The following ASCC2 variants were observed in gnomAD, a reference collection of about 807,000 sequenced individuals.
ASCC2 encodes ASC-1 complex subunit P100.
A neutral mutation model predicts 93.5 loss-of-function variants in ASCC2; 42 were observed. That is an observed-to-expected ratio of 0.45 (90% CI 0.35 to 0.58). ASCC2 has a LOEUF of 0.58. ASCC2 is among the 20% of genes least tolerant of loss of function. The pLI, the probability that ASCC2 is intolerant of heterozygous loss-of-function variation, is 0.00. For missense variants in ASCC2, 859 were observed against 977.6 expected, an observed-to-expected ratio of 0.88 and a Z score of 1.62; for synonymous variants, 364 against 384.2, an observed-to-expected ratio of 0.95 and a Z score of 0.62.
intron 17 of ASCC2, 117 bp from the exon 18 acceptor site, chr22:29,792,652 G>T: frequency 7.1e-7 from 1 of 1,402,504 alleles, no homozygotes; most frequent in Non-Finnish European, 9.7e-7. Flanking sequence ...AGGAGGTTGG[G>T]AAAAACCAAA....
chr22:29,811,184 A>C (rs1383683398), intron 8 of ASCC2, among the ~76,000 whole-genome samples: 1 of 152,256 alleles, frequency 6.6e-6, no homozygotes, highest in African/African-American at 2.4e-5. Context: ...CTGTTAAGTA[A>C]AAAAGTAAAA....
chr22:29,823,496 C>T (rs1214234165), intron 4 of ASCC2, among the ~76,000 whole-genome samples: 4 of 152,132 alleles, frequency 2.6e-5, no homozygotes, highest in Non-Finnish European at 2.9e-5. Context: ...ATGAGATTGG[C>T]GGAATGTTGA....
At chr22:29,836,686 G>C (rs562701583) in intron 1 of ASCC2, among the ~76,000 whole-genome samples, 1 of 151,950 alleles carries the variant, frequency 6.6e-6, no homozygotes. Context: ...TCAGCCTCCC[G>C]AGTAGCTGGG....
rs35368628 is a variant in ASCC2, at chr22:29,803,084, T to TA, written c.1354-877dup. ...CAACATGGTGAAACCCCATCTCTGC[T>TA]AAAAAAAATACAAAAAATTAGCTGG... On this transcript the variant is annotated intron_variant, in intron 13 of 19. Transcript: ENST00000307790. Among the ~76,000 whole-genome samples, 126 of 151,424 alleles carry TA rather than the reference T, an allele frequency of 8.3e-4. 1 individual carries two copies. The highest frequency in any genetic ancestry group is 1.9e-3 in the Admixed American group (29 of 15,180).
intron 2 of ASCC2, among the ~76,000 whole-genome samples, chr22:29,830,664 C>T (rs186438843): frequency 1.4e-3 from 219 of 152,330 alleles, no homozygotes; most frequent in African/African-American, 5.2e-3. Context: ...CCTTCTGTCA[C>T]AACCCTGATC....
At chr22:29,814,636 T>A (rs761231518) in intron 7 of ASCC2, 21 bp downstream of exon 7, 1 of 1,570,778 alleles carries the variant, frequency 6.4e-7, no homozygotes, top group Non-Finnish European at 8.6e-7. Flanking sequence ...GGAAAGAGAC[T>A]GGGCCGAAGG....
chr22:29,804,738 G>C lies in ASCC2; in HGVS notation c.1253C>G (p.Ser418Trp), dbSNP rs930768479. The C allele has an allele frequency of 6.2e-7, 1 of 1,613,956 alleles. No individual in the cohort carries two copies. Among genetic ancestry groups the C allele is most frequent in the Non-Finnish European group, 8.5e-7 (1 of 1,180,014 alleles). ...RRKATDAKDP[S>W]VIEEPNGEPN... ...CTCCCCATTAGGCTCCTCAATCACCGATGGGTCTTTAGCATCTGTGGCTTT... is the reference window on the plus strand; with the variant it reads ...CTCCCCATTAGGCTCCTCAATCACCCATGGGTCTTTAGCATCTGTGGCTTT... The change falls in exon 13 of 20, where the codon TCG (serine) becomes TGG (tryptophan). Residue 418 changes from serine to tryptophan, a missense_variant. Physicochemically the swap from Ser to Trp is radical, Grantham distance 177 (BLOSUM62 -3). Coordinates refer to ENST00000307790, the MANE Select transcript of ASCC2 (RefSeq NM_032204.5).
chr22:29,829,460 C>A (rs772144878), intron 2 of ASCC2, among the ~76,000 whole-genome samples: 1 of 151,988 alleles, frequency 6.6e-6, no homozygotes, highest in Non-Finnish European at 1.5e-5. Context: ...TGGTGGCTCA[C>A]GCCTGTAATC....
At chr22:29,790,677 G>T in intron 18 of ASCC2, 129 bp from the exon 19 acceptor site, 1 of 904,910 alleles carries the variant, frequency 1.1e-6, no homozygotes, top group South Asian at 1.5e-5. Context: ...CTGCAGCCTG[G>T]CAGAGCGACG....
chr22:29,789,009 G>C lies in ASCC2; in HGVS notation c.*4C>G. On this transcript the variant is annotated 3_prime_UTR_variant, in exon 20 of 20. Transcript: ENST00000307790. ...CTGCCTCCCCACTGGCCCTGCACCAGGTCTCAGGATGGGATCATGCCTTTG... is the reference window on the plus strand; with the variant it reads ...CTGCCTCCCCACTGGCCCTGCACCACGTCTCAGGATGGGATCATGCCTTTG... 3 of 1,614,178 alleles carry C rather than the reference G, an allele frequency of 1.9e-6. No individual in the cohort carries two copies. The highest frequency in any genetic ancestry group is 2.5e-6 in the Non-Finnish European group (3 of 1,180,012).
chr22:29,819,803 C>T (rs2061340663), intron 5 of ASCC2, among the ~76,000 whole-genome samples: 1 of 152,192 alleles, frequency 6.6e-6, no homozygotes, highest in African/African-American at 2.4e-5. Flanking sequence ...TCTAACTGTA[C>T]CTTCTGATGC....
intron 5 of ASCC2, among the ~76,000 whole-genome samples, chr22:29,818,842 T>C (rs1244332067): frequency 6.6e-6 from 1 of 152,144 alleles, no homozygotes; most frequent in African/African-American, 2.4e-5. Context: ...AGGGCCTTTT[T>C]CCTGCAACCA....
In ASCC2 at chr22:29,825,580, G is replaced by C. The variant is rs1428366938; in HGVS notation, c.240+42C>G. ...AACAACAGCAACCAACCAATGGCAT[G>C]TCATGTGCTTTGTCTTAGCGTTAAT... On this transcript the variant is annotated intron_variant, in intron 3 of 19. Coordinates refer to ENST00000307790, the MANE Select transcript of ASCC2 (RefSeq NM_032204.5). The surrounding 1 kb of genome is among the most constrained non-coding windows in gnomAD (Gnocchi z 4.9). 1.2e-6 allele frequency: 2 copies of C among 1,613,398 alleles called. No homozygotes were observed. The highest frequency in any genetic ancestry group is 1.7e-6 in the Non-Finnish European group (2 of 1,179,350).
intron 1 of ASCC2, 113 bp from the exon 2 acceptor site, chr22:29,832,455 G>A: frequency 1.2e-6 from 1 of 812,320 alleles, no homozygotes; most frequent in South Asian, 1.8e-5. Flanking sequence ...CTCGCCTTAG[G>A]AGGCTCCTGT....
chr22:29,816,725 C>T (rs187331272), intron 5 of ASCC2: 2 of 149,078 alleles, frequency 1.3e-5, no homozygotes, highest in East Asian at 4.1e-4. Flanking sequence ...GCTGTGAGTG[C>T]GTAGGTTCGA....
At chr22:29,828,016 G>A (rs2062678030) in intron 2 of ASCC2, among the ~76,000 whole-genome samples, 1 of 151,812 alleles carries the variant, frequency 6.6e-6, no homozygotes, top group East Asian at 1.9e-4. Flanking sequence ...TCCCACAGGG[G>A]GAAGATGGAC....
intron 4 of ASCC2, among the ~76,000 whole-genome samples, chr22:29,824,819 C>CT: frequency 6.6e-6 from 1 of 152,078 alleles, no homozygotes; most frequent in East Asian, 1.9e-4. Context: ...TTTTTTCTCT[C>CT]TGACGCACAA....
At chr22:29,831,045 G>C (rs2063081587) in intron 2 of ASCC2, among the ~76,000 whole-genome samples, 1 of 152,160 alleles carries the variant, frequency 6.6e-6, no homozygotes, top group East Asian at 1.9e-4. Context: ...CTCACCACAT[G>C]GGGCTATTTT....
In ASCC2 at chr22:29,814,832, G is replaced by A. The variant is rs2060654533; in HGVS notation, c.610-65C>T. 1.0e-5 allele frequency: 14 copies of A among 1,344,150 alleles called. No homozygotes were observed. In the East Asian group the frequency reaches 1.7e-4, roughly 16 times the overall value. The allele number at this position is 1,344,150 out of a possible 1,614,324, so 83.3% of individuals were successfully genotyped here. ...ACCAGGGCTAGGACCCCTGGCAGCA[G>A]CCAGGGTCAGGTGATCTGAAAACTG... On this transcript the variant is annotated intron_variant, in intron 6 of 19. Coordinates refer to ENST00000307790, the MANE Select transcript of ASCC2 (RefSeq NM_032204.5).
Sources: gnomAD v4.1 joint callset for allele counts (sites outside exome capture counted in the v4.1 genomes callset) on GRCh38, gnomAD v4.1.1 for gene constraint, Gnocchi (gnomAD v3.1) non-coding constraint, MANE v1.5 for transcripts, NCBI Gene and HGNC (gene_info 2026-07-23, HGNC 2026-07-21) for gene names.